Variants in MYRFL observed in about 807,000 individuals in gnomAD.
MYRFL encodes the protein myelin regulatory factor-like protein.
Under a neutral mutation model 109.4 loss-of-function variants are expected in MYRFL, and 88 were observed. The observed-to-expected ratio is 0.80, with a 90% CI of 0.68 to 0.96. The LOEUF (loss-of-function observed/expected upper bound fraction) is 0.96. MYRFL is among the 40% of genes least tolerant of loss of function. The pLI is 0.00. For synonymous variants in MYRFL, 324 were observed against 320.9 expected, an observed-to-expected ratio of 1.01 and a Z score of -0.10; for missense variants, 957 against 954.9, an observed-to-expected ratio of 1.00 and a Z score of -0.03.
At chr12:69,853,046 T>C (rs761708618) in intron 1 of MYRFL, among the ~76,000 whole-genome samples, 2 of 152,242 alleles carry the variant, frequency 1.3e-5, no homozygotes, top group Non-Finnish European at 2.9e-5. Flanking sequence ...TCCCCCTTTT[T>C]CTGTTCGACA....
At chr12:69,952,262 G>GC (rs1195635634) in intron 20 of MYRFL, 87 bp downstream of exon 20, 1 of 1,256,724 alleles carries the variant, frequency 8.0e-7, no homozygotes, top group Non-Finnish European at 1.1e-6. Flanking sequence ...GGAGTGAGGA[G>GC]CAGGGACAAA....
At chr12:69,858,149 A>T (rs2136323421) in intron 2 of MYRFL, among the ~76,000 whole-genome samples, 1 of 151,752 alleles carries the variant, frequency 6.6e-6, no homozygotes, top group South Asian at 2.1e-4. Flanking sequence ...AATATAATGG[A>T]TTACTTTGCT....
chr12:69,879,941 A>G (rs1319613057), intron 4 of MYRFL, among the ~76,000 whole-genome samples: 1 of 152,168 alleles, frequency 6.6e-6, no homozygotes, highest in East Asian at 1.9e-4. Context: ...TGTAAAATGT[A>G]TACCTATATT....
At chr12:69,914,762 A>G (rs1954680553) in intron 13 of MYRFL, among the ~76,000 whole-genome samples, 1 of 152,152 alleles carries the variant, frequency 6.6e-6, no homozygotes, top group African/African-American at 2.4e-5. Flanking sequence ...AGCCTCATTC[A>G]TGTGTCACCT....
chr12:69,938,845 G>T (rs535055545), intron 19 of MYRFL, among the ~76,000 whole-genome samples: 1 of 152,070 alleles, frequency 6.6e-6, no homozygotes, highest in Non-Finnish European at 1.5e-5. Context: ...CGCACCGTGC[G>T]CGAGCCGAAG....
intron 1 of MYRFL, among the ~76,000 whole-genome samples, chr12:69,844,310 G>A (rs1340599350): frequency 6.6e-6 from 1 of 152,118 alleles, no homozygotes; most frequent in Non-Finnish European, 1.5e-5. Context: ...GTTGGGGCCG[G>A]TGGGTGATCT....
At chr12:69,827,983 A>G (rs1347090537) in intron 1 of MYRFL, among the ~76,000 whole-genome samples, 1 of 152,128 alleles carries the variant, frequency 6.6e-6, no homozygotes, top group Non-Finnish European at 1.5e-5. Context: ...TTTATACTTT[A>G]TTATCTAAGT....
chr12:69,934,047 G>T (rs1180137633), intron 16 of MYRFL, among the ~76,000 whole-genome samples: 4 of 152,168 alleles, frequency 2.6e-5, no homozygotes, highest in Non-Finnish European at 2.9e-5. Flanking sequence ...AGTTTTCTGG[G>T]CTATGCGTTG....
chr12:69,931,408 C>T (rs1955264773), intron 15 of MYRFL, among the ~76,000 whole-genome samples: 1 of 152,170 alleles, frequency 6.6e-6, no homozygotes, highest in African/African-American at 2.4e-5. Flanking sequence ...ACAGATGACT[C>T]AGTTACAATA....
intron 15 of MYRFL, 56 bp downstream of exon 15, chr12:69,927,804 TA>T: frequency 6.9e-7 from 1 of 1,442,572 alleles, no homozygotes; most frequent in Non-Finnish European, 9.2e-7. Context: ...AAAAAGTCTT[TA>T]GAGAAATCAG....
intron 19 of MYRFL, 57 bp from the exon 20 acceptor site, chr12:69,952,056 G>T: frequency 6.9e-7 from 1 of 1,459,244 alleles, no homozygotes. Context: ...CACACATGGG[G>T]TTTCTTCTCT....
intron 6 of MYRFL, among the ~76,000 whole-genome samples, chr12:69,889,650 T>C (rs1048373608): frequency 6.6e-6 from 1 of 152,098 alleles, no homozygotes; most frequent in African/African-American, 2.4e-5. Context: ...GGTCAGGAGT[T>C]CAAGACCAGT....
At position 69,958,498 on chromosome 12, in the gene MYRFL, T is replaced by A. The variant is rs1956146107; in HGVS notation, c.2700T>A (p.Asp900Glu). ...ATTTTGCTGGGATATTCTTCACCGA[T>A]TACTTCTTTTACTTCTATCGACGCT... is the stretch of plus-strand genomic sequence containing the variant. ...DPYFAGIFFT[D>E]YFFYFYRRCA The change falls in exon 25 of 25, where the codon GAT becomes GAA. Residue 900 changes from aspartate (D) to glutamate (E), a missense_variant. Transcript: ENST00000552032. 6.5e-7 allele frequency: 1 copy of A among 1,535,616 alleles called. No homozygotes were observed. Among genetic ancestry groups the A allele is most frequent in the Non-Finnish European group, 8.7e-7 (1 of 1,146,774 alleles).
At chr12:69,923,997 G>T (rs1954991503) in intron 13 of MYRFL, among the ~76,000 whole-genome samples, 1 of 151,922 alleles carries the variant, frequency 6.6e-6, no homozygotes, top group East Asian at 1.9e-4. Flanking sequence ...AGACCATCCT[G>T]GCTAACACAG....
chr12:69,915,355 A>G (rs1954699102), intron 13 of MYRFL, among the ~76,000 whole-genome samples: 1 of 152,166 alleles, frequency 6.6e-6, no homozygotes, highest in Admixed American at 6.5e-5. Context: ...TTTCTGTCCC[A>G]TCACCTGATC....
Position 69,932,557 on chromosome 12 carries a change from C to T in MYRFL, c.1875C>T (p.Phe625=), listed in dbSNP as rs964467895. 6.5e-7 allele frequency: 1 copy of T among 1,536,008 alleles called. No individual in the cohort carries two copies. Among genetic ancestry groups the T allele is most frequent in the East Asian group, 2.4e-5 (1 of 40,902 alleles). The part of the protein sequence containing the change: ...GKRQACPNWV[F]QTLVITLIAV... ...GACAGGCGTGTCCTAATTGGGTTTT[C>T]CAGACCTTGGTTATAACTCTGATTG... is the stretch of plus-strand genomic sequence containing the variant. Residue 625 remains phenylalanine (F), a synonymous_variant, in exon 16 of 25, where the codon TTC becomes TTT. Transcript: ENST00000552032.
chr12:69,878,906 C>T (rs1164285419), intron 2 of MYRFL, 122 bp from the exon 3 acceptor site: 12 of 669,218 alleles, frequency 1.8e-5, no homozygotes, highest in Admixed American at 4.1e-5. Flanking sequence ...CCTCACCCCC[C>T]CATGCCCAGC....
At chr12:69,956,524 G>A (rs1047714658) in intron 22 of MYRFL, among the ~76,000 whole-genome samples, 7 of 151,934 alleles carry the variant, frequency 4.6e-5, no homozygotes, top group African/African-American at 9.7e-5. Flanking sequence ...CCTGATTTTA[G>A]TCTCTCCTTT....
At position 69,895,478 on chromosome 12, in the gene MYRFL, A is replaced by C; in HGVS notation, c.1088A>C (p.Gln363Pro). ...AAAAAGGGAAAACCAAATCCAGACC[A>C]GAGGTACTGATGTCACTGTGTGCAT... The part of the protein sequence containing the change: ...MRKKGKPNPD[Q>P]RYFMLVVGLY... The change falls in exon 9 of 25, where the codon CAG becomes CCG. Residue 363 changes from glutamine (Q) to proline (P), a missense_variant. By Grantham distance (76) the Gln-to-Pro change is moderately conservative. Coordinates refer to ENST00000552032, the MANE Select transcript of MYRFL (RefSeq NM_182530.3). 6.5e-7 allele frequency: 1 copy of C among 1,535,140 alleles called. No homozygotes were observed. Among genetic ancestry groups the C allele is most frequent in the East Asian group, 2.4e-5 (1 of 40,896 alleles).
Sources: gnomAD v4.1 joint callset for allele counts (sites outside exome capture counted in the v4.1 genomes callset) on GRCh38, gnomAD v4.1.1 for gene constraint, MANE v1.5 for transcripts, NCBI Gene and HGNC (gene_info 2026-07-23, HGNC 2026-07-21) for gene names.